Variants in LPL observed in about 807,000 individuals in gnomAD.
LPL encodes the protein phospholipase A1.
In LPL, 43 loss-of-function variants were observed where a neutral mutation model predicts 52.2. The ratio of observed to expected loss-of-function variants is 0.82; its 90% CI spans 0.64 to 1.06. The LOEUF is 1.06. Ranked by LOEUF, LPL falls within the 50% of genes least tolerant of loss-of-function variation. The pLI is 0.00. For synonymous variants in LPL, 244 were observed against 215.6 expected, an observed-to-expected ratio of 1.13 and a Z score of -1.15; for missense variants, 639 against 585.3, an observed-to-expected ratio of 1.09 and a Z score of -0.95.
intron 1 of LPL, among the ~76,000 whole-genome samples, chr8:19,942,135 T>C (rs956711271): frequency 1.3e-5 from 2 of 152,076 alleles, no homozygotes; most frequent in Admixed American, 6.6e-5. Context: ...AGAGCGGCGA[T>C]GGAAAATTTT....
chr8:19,941,408 G>A (rs2069837853), intron 1 of LPL, among the ~76,000 whole-genome samples: 1 of 152,154 alleles, frequency 6.6e-6, no homozygotes, highest in African/African-American at 2.4e-5. Context: ...ACAGGTTCAA[G>A]ATCCTAAATT....
chr8:19,954,807 G>C (rs963631673), intron 5 of LPL, among the ~76,000 whole-genome samples: 2 of 152,188 alleles, frequency 1.3e-5, no homozygotes, highest in Non-Finnish European at 2.9e-5. Context: ...ATGTTAGCTT[G>C]TGTTAAATTT....
Position 19,967,219 on chromosome 8 carries a change from G to A in LPL, c.*1909G>A, listed in dbSNP as rs1449666337. The A allele has an allele frequency of 1.3e-5, 2 of 152,492 alleles. No homozygotes were observed. Among genetic ancestry groups the A allele is most frequent in the Non-Finnish European group, 1.5e-5 (1 of 68,008 alleles). The allele number at this position is 152,492 out of a possible 1,614,324, so 9.4% of individuals were successfully genotyped here. On this transcript the variant is annotated 3_prime_UTR_variant, in exon 10 of 10. Transcript: ENST00000650287. ...ACGTACTTAACTGTGTGAAGAAATG[G>A]AATCAGCTTTTAATAAAATTGACAA...
intron 4 of LPL, 47 bp from the exon 5 acceptor site, chr8:19,954,073 C>T (rs370495190): frequency 1.6e-5 from 22 of 1,365,118 alleles, no homozygotes; most frequent in African/African-American, 1.4e-4. Flanking sequence ...GAATGTCATA[C>T]GAATGGAAAT....
In LPL at chr8:19,939,885, G is replaced by C. The variant is rs2069815935; in HGVS notation, c.88+357G>C. ...GAGGCGGGGAGTAAGGGCCCGGCTG[G>C]CGGTGACCTGCAGTCACCTCTCTGC... On this transcript the variant is annotated intron_variant, in intron 1 of 9. Coordinates refer to ENST00000650287, the MANE Select transcript of LPL (RefSeq NM_000237.3). This position sits in a 1 kb window ranked among gnomAD's most constrained non-coding sequence, Gnocchi z 4.0. Among the ~76,000 whole-genome samples, 1 of 152,182 alleles carries C rather than the reference G, an allele frequency of 6.6e-6. No individual in the cohort carries two copies.
Position 19,955,873 on chromosome 8 carries a change from C to T in LPL, c.808C>T (p.Arg270Cys), listed in dbSNP as rs118204077. ...CCAGCTAGTGAAGTGCTCCCACGAG[C>T]GCTCCATTCATCTCTTCATCGACTC... The part of the protein sequence containing the change: ...VDQLVKCSHE[R>C]SIHLFIDSLL... Residue 270 changes from arginine (R) to cysteine (C), a missense_variant, in exon 6 of 10, where the codon CGC becomes TGC. By Grantham distance (180) the Arg-to-Cys change is radical. Transcript: ENST00000650287. 8.7e-6 allele frequency: 14 copies of T among 1,614,034 alleles called. No homozygotes were observed. The highest frequency in any genetic ancestry group is 2.2e-5 in the East Asian group (1 of 44,894).
chr8:19,959,923 G>T (rs563105567), intron 7 of LPL, among the ~76,000 whole-genome samples: 2 of 151,372 alleles, frequency 1.3e-5, no homozygotes, highest in Admixed American at 1.3e-4. Flanking sequence ...CGAGTAGCTG[G>T]GGCTGCAGGT....
At chr8:19,940,445 G>A (rs886566000) in intron 1 of LPL, among the ~76,000 whole-genome samples, 2 of 152,202 alleles carry the variant, frequency 1.3e-5, no homozygotes, top group African/African-American at 4.8e-5. Context: ...CGAGCACAAC[G>A]GTGGTCACCG....
chr8:19,947,200 T>TA (rs1590138629), intron 1 of LPL, among the ~76,000 whole-genome samples: 5 of 152,312 alleles, frequency 3.3e-5, no homozygotes, highest in Admixed American at 6.5e-5. Flanking sequence ...AAATTTTTTT[T>TA]AAATTATTTT....
At chr8:19,952,226 A>C (rs2128837784) in intron 3 of LPL, among the ~76,000 whole-genome samples, 1 of 152,324 alleles carries the variant, frequency 6.6e-6, no homozygotes, top group African/African-American at 2.4e-5. Context: ...CAACAGAAAA[A>C]AGCTTGTGAT....
rs1161038955 is a variant in LPL at position 19,954,225 on chromosome 8, C to T, written c.647C>T (p.Ser216Phe). The T allele has an allele frequency of 1.2e-6, 2 of 1,614,126 alleles. No homozygotes were observed. Among genetic ancestry groups the T allele is most frequent in the Non-Finnish European group, 1.7e-6 (2 of 1,180,012 alleles). ...VDVLHTFTRG[S>F]PGRSIGIQKP... Reference sequence around the variant, plus strand: ...GTCTTACACACATTCACCAGAGGGTCCCCTGGTCGAAGCATTGGAATCCAG... The same window carrying T: ...GTCTTACACACATTCACCAGAGGGTTCCCTGGTCGAAGCATTGGAATCCAG... The change falls in exon 5 of 10, where the codon TCC becomes TTC. Residue 216 changes from serine (S) to phenylalanine (F), a missense_variant. Coordinates refer to ENST00000650287, the MANE Select transcript of LPL (RefSeq NM_000237.3).
At chr8:19,964,334 C>G (rs1563585170) in intron 9 of LPL, among the ~76,000 whole-genome samples, 1 of 152,128 alleles carries the variant, frequency 6.6e-6, no homozygotes, top group Non-Finnish European at 1.5e-5. Flanking sequence ...TTTAAATCTA[C>G]ATGTGAATGT....
chr8:19,955,088 T>C (rs2069971853), intron 5 of LPL, among the ~76,000 whole-genome samples: 1 of 152,208 alleles, frequency 6.6e-6, no homozygotes, highest in African/African-American at 2.4e-5. Context: ...GTGCACGTAA[T>C]AGAACTTAGA....
At chr8:19,948,067 C>A in intron 1 of LPL, 113 bp from the exon 2 acceptor site, 1 of 1,188,670 alleles carries the variant, frequency 8.4e-7, no homozygotes, top group Non-Finnish European at 1.3e-6. Context: ...GAAAACACTT[C>A]AGAAACAAAA....
In LPL at chr8:19,940,111, G is replaced by A. The variant is rs371839431; in HGVS notation, c.88+583G>A. Among the ~76,000 whole-genome samples, 5 of 152,362 alleles carry A rather than the reference G, an allele frequency of 3.3e-5. No individual in the cohort carries two copies. In the East Asian group the frequency reaches 7.7e-4, roughly 24 times the overall value. ...GGGCCCCTCGCTCCGCTGTGGGAGT[G>A]GCAGTGGGTGTCGGGGTGGAGAAAG... On this transcript the variant is annotated intron_variant, in intron 1 of 9. Coordinates refer to ENST00000650287, the MANE Select transcript of LPL (RefSeq NM_000237.3).
At chr8:19,956,875 G>T (rs2069990695) in intron 6 of LPL, among the ~76,000 whole-genome samples, 1 of 152,146 alleles carries the variant, frequency 6.6e-6, no homozygotes, top group African/African-American at 2.4e-5. Flanking sequence ...CTAGGCTGGA[G>T]GAGAGGGGCA....
At position 19,951,750 on chromosome 8, in the gene LPL, C is replaced by T. The variant is rs776755748; in HGVS notation, c.250-19C>T. 8.1e-6 allele frequency: 13 copies of T among 1,613,974 alleles called. No individual in the cohort carries two copies. In the East Asian group the frequency reaches 2.2e-4, roughly 28 times the overall value. On this transcript the variant is annotated intron_variant, in intron 2 of 9. Coordinates refer to ENST00000650287, the MANE Select transcript of LPL (RefSeq NM_000237.3). ...GTGGTAGGTGGGTATTTTAAGAAAG[C>T]TTGTGTCATCATCTTCAGGTAACAG...
intron 6 of LPL, among the ~76,000 whole-genome samples, chr8:19,957,331 AAAG>A (rs1448042533): frequency 6.6e-6 from 1 of 152,196 alleles, no homozygotes; most frequent in Non-Finnish European, 1.5e-5. Context: ...GGATGATATT[AAAG>A]AACAGTGGCC....
intron 7 of LPL, 56 bp from the exon 8 acceptor site, chr8:19,960,845 G>A: frequency 7.7e-7 from 1 of 1,296,714 alleles, no homozygotes; most frequent in East Asian, 2.3e-5. Context: ...AAAAAAAGTG[G>A]GGGGCAGGGA....
Sources: allele counts gnomAD v4.1 joint callset (sites outside exome capture counted in the v4.1 genomes callset), GRCh38; gene constraint gnomAD v4.1.1; non-coding constraint Gnocchi (gnomAD v3.1); transcripts MANE v1.5; gene names NCBI Gene and HGNC (gene_info 2026-07-23, HGNC 2026-07-21).